Variants in RUFY4 observed in about 807,000 individuals in gnomAD.
The protein encoded by RUFY4 is RUN and FYVE domain-containing protein 4.
A neutral mutation model predicts 69.0 loss-of-function variants in RUFY4; 73 were observed. That is an observed-to-expected ratio of 1.06 (90% confidence interval 0.88 to 1.29). The LOEUF is 1.29. RUFY4 is among the 50% of genes most tolerant of loss of function. The probability of loss-of-function intolerance (pLI) is 0.00; values close to 1 mark genes in which losing one functional copy is unlikely to be tolerated. For synonymous variants in RUFY4, 287 were observed against 271.8 expected, an observed-to-expected ratio of 1.06 and a Z score of -0.55; for missense variants, 770 against 705.6, an observed-to-expected ratio of 1.09 and a Z score of -1.03.
chr2:218,071,324 C>A (rs576605635), intron 2 of RUFY4, among the ~76,000 whole-genome samples: 2 of 152,280 alleles, frequency 1.3e-5, no homozygotes, highest in South Asian at 4.1e-4. Flanking sequence ...GCTTCTCTGA[C>A]TTCATCTTTT....
intron 3 of RUFY4, chr2:218,060,949 G>A (rs1159550178): frequency 2.3e-6 from 2 of 863,828 alleles, no homozygotes; most frequent in Admixed American, 1.7e-5. Flanking sequence ...AAGTGGCGCT[G>A]CTGGGTCAGT....
chr2:218,073,263 G>C, exon 5 of RUFY4: 1 of 1,552,128 alleles, frequency 6.4e-7, no homozygotes, highest in South Asian at 1.2e-5. Context: ...GGACCCCGGA[G>C]CCCTCTGCTC....
chr2:218,090,052 T>C, exon 11 of RUFY4: 6 of 1,536,186 alleles, frequency 3.9e-6, no homozygotes, highest in Non-Finnish European at 5.3e-6. Flanking sequence ...CCAGGTCACC[T>C]GACCAAGACC....
Position 218,075,375 on chromosome 2 carries a change from AC to A in RUFY4, c.886del (p.Gln296ArgfsTer14). 6.2e-7 allele frequency: 1 copy of A among 1,613,234 alleles called. No homozygotes were observed. The highest frequency in any genetic ancestry group is 1.7e-5 in the Admixed American group (1 of 59,874). On this transcript the variant is annotated frameshift_variant, in exon 7 of 11. Transcript: ENST00000344321. LOFTEE classifies it high-confidence loss of function. The stretch of plus-strand genomic sequence containing the variant: ...CTTCCTGGGGAACTCAACACCCAGC[AC>A]CCAGGGACAGGGGAAGGGGGCTATG...
chr2:218,087,886 A>G (rs532347972), intron 9 of RUFY4, among the ~76,000 whole-genome samples: 21 of 152,322 alleles, frequency 1.4e-4, no homozygotes, highest in Admixed American at 2.6e-4. Context: ...TAGGAATATA[A>G]CTATGTTAGG....
intron 7 of RUFY4, 92 bp from the exon 10 acceptor site, chr2:218,076,335 G>A: frequency 2.0e-6 from 3 of 1,483,218 alleles, no homozygotes; most frequent in Non-Finnish European, 1.8e-6. Context: ...GCATGGCCTG[G>A]GGTCTCTCGG....
At chr2:218,087,502 G>A (rs915889189) in intron 9 of RUFY4, among the ~76,000 whole-genome samples, 40 of 152,098 alleles carry the variant, frequency 2.6e-4, no homozygotes, top group Non-Finnish European at 5.4e-4. Context: ...GTTAGTAGAT[G>A]AAGAAATGAA....
intron 2 of RUFY4, among the ~76,000 whole-genome samples, chr2:218,071,294 AC>A (rs1249930905): frequency 1.3e-5 from 2 of 151,200 alleles, no homozygotes; most frequent in Non-Finnish European, 3.0e-5. Flanking sequence ...ACCCCCCAAC[AC>A]CCCGACACAC....
intron 2 of RUFY4, among the ~76,000 whole-genome samples, chr2:218,053,722 T>G (rs962673405): frequency 5.3e-5 from 8 of 151,946 alleles, no homozygotes; most frequent in African/African-American, 1.9e-4. Flanking sequence ...GTGGTCTTGA[T>G]CTCCTGACTT....
At chr2:218,056,203 G>T (rs1034250339) in intron 2 of RUFY4, among the ~76,000 whole-genome samples, 9 of 151,154 alleles carry the variant, frequency 6.0e-5, no homozygotes, top group African/African-American at 9.7e-5. Flanking sequence ...GTACAAATTG[G>T]ATTTATTATA....
chr2:218,060,863 G>C, intron 3 of RUFY4: 4 of 1,462,978 alleles, frequency 2.7e-6, no homozygotes, highest in Non-Finnish European at 3.8e-6. Context: ...ATGGGTAGAA[G>C]GTCCTTCGGA....
intron 8 of RUFY4, among the ~76,000 whole-genome samples, chr2:218,080,346 A>G (rs1689733381): frequency 6.6e-6 from 1 of 152,198 alleles, no homozygotes; most frequent in Non-Finnish European, 1.5e-5. Flanking sequence ...CTGGGGGCAG[A>G]GGTGAGCCAC....
At chr2:218,051,106 C>A (rs887939212) in intron 2 of RUFY4, among the ~76,000 whole-genome samples, 1 of 152,054 alleles carries the variant, frequency 6.6e-6, no homozygotes, top group Non-Finnish European at 1.5e-5. Context: ...GACTGCTAGG[C>A]CCAAGCAATC....
rs373786235 is a variant in RUFY4, at chr2:218,070,941, G to T, written c.153+82G>T. 3,493 of 1,047,926 alleles carry T rather than the reference G, an allele frequency of 3.3e-3. 120 individuals carry two copies. In the South Asian group the frequency reaches 0.047, roughly 14 times the overall value. 64.9% of individuals were successfully genotyped at this position (1,047,926 alleles called of 1,614,324 possible). A position where few individuals can be genotyped will look rare whatever the true frequency, so the allele number is the denominator to read the frequency against. The stretch of plus-strand genomic sequence containing the variant: ...GACATTCCTGGAAAATCAGGGAGGA[G>T]CCACAGCCCCCTTCCTTACCATGCA... On this transcript the variant is annotated intron_variant, in intron 2 of 10. Coordinates refer to ENST00000344321, the Ensembl canonical transcript of RUFY4.
In RUFY4 at chr2:218,053,270, G is replaced by C. The variant is rs796642041; in HGVS notation, c.-1157-5325G>C. Among the ~76,000 whole-genome samples the C allele has an allele frequency of 5.3e-5, 8 of 152,128 alleles. 1 individual carries two copies. Among genetic ancestry groups the C allele is most frequent in the African/African-American group, 1.7e-4 (7 of 41,492 alleles). Reference sequence around the variant, plus strand: ...CCCCTGGAAAGTCTCAAAGGATGAGGCTTATTTAATATGAGGCTTATTTAA... The same window carrying C: ...CCCCTGGAAAGTCTCAAAGGATGAGCCTTATTTAATATGAGGCTTATTTAA... On this transcript the variant is annotated intron_variant and NMD_transcript_variant, in intron 2 of 13. Coordinates refer to the RUFY4 transcript ENST00000457754.
chr2:218,051,670 G>A (rs1023386429), intron 2 of RUFY4, among the ~76,000 whole-genome samples: 2 of 151,752 alleles, frequency 1.3e-5, no homozygotes, highest in African/African-American at 4.8e-5. Context: ...TATGAAGGAT[G>A]GTTTTGTAAA....
At chr2:218,080,250 C>T (rs531486086) in intron 8 of RUFY4, among the ~76,000 whole-genome samples, 10 of 152,290 alleles carry the variant, frequency 6.6e-5, no homozygotes, top group South Asian at 4.1e-4. Flanking sequence ...GGCGTTTCTC[C>T]GTCTGACTTC....
intron 2 of RUFY4, among the ~76,000 whole-genome samples, chr2:218,038,798 A>G (rs1959017832): frequency 1.3e-5 from 2 of 152,274 alleles, no homozygotes; most frequent in Admixed American, 6.5e-5. Context: ...TCATGGCCCC[A>G]TGATGGTTGC....
At chr2:218,089,220 T>C (rs773269619) in intron 9 of RUFY4, 32 bp from the exon 12 acceptor site, 66 of 1,541,696 alleles carry the variant, frequency 4.3e-5, no homozygotes, top group Non-Finnish European at 5.6e-5. Context: ...TCTGTCTCTG[T>C]CTGTGTCTCT....
Sources: allele counts gnomAD v4.1 joint callset (sites outside exome capture counted in the v4.1 genomes callset), GRCh38; gene constraint gnomAD v4.1.1; transcripts MANE v1.5; gene names NCBI Gene and HGNC (gene_info 2026-07-23, HGNC 2026-07-21).